Variants in PUF60 observed in about 807,000 individuals in gnomAD.
PUF60 encodes poly(U)-binding-splicing factor PUF60.
In PUF60, 10 loss-of-function variants were observed where a neutral mutation model predicts 61.8. That is an observed-to-expected ratio of 0.16 (90% CI 0.10 to 0.27). The LOEUF is 0.27. Ranked by LOEUF, PUF60 falls within the 10% of genes least tolerant of loss-of-function variation. The pLI, the probability that PUF60 is intolerant of heterozygous loss-of-function variation, is 1.00. For missense variants in PUF60, 371 were observed against 754.0 expected, an observed-to-expected ratio of 0.49 and a Z score of 5.95; for synonymous variants, 353 against 300.9, an observed-to-expected ratio of 1.17 and a Z score of -1.79.
chr8:143,825,756 T>C (rs1353372784), intron 1 of PUF60, among the ~76,000 whole-genome samples: 2 of 152,342 alleles, frequency 1.3e-5, no homozygotes, highest in East Asian at 3.9e-4. Flanking sequence ...CGTGGACCAC[T>C]GTGCCCAGCC....
At chr8:143,822,508 C>G (rs1201564573) in intron 2 of PUF60, 1 of 456,654 alleles carries the variant, frequency 2.2e-6, no homozygotes, top group Admixed American at 2.3e-5. Context: ...ACAGGCCTCT[C>G]TCGGGCCACA....
At chr8:143,820,830 CCGCCTGCCTT>C (rs1816921636) in intron 4 of PUF60, 114 bp from the exon 5 acceptor site, 9 of 1,031,350 alleles carry the variant, frequency 8.7e-6, no homozygotes, top group Admixed American at 6.9e-5. Context: ...GCCAGGGAGG[CCGCCTGCCTT>C]CCCACACTGC....
chr8:143,827,303 C>T (rs937511993), intron 1 of PUF60: 2 of 453,152 alleles, frequency 4.4e-6, no homozygotes, highest in Non-Finnish European at 8.9e-6. Context: ...AGGGTGATGA[C>T]CCCAAATGAG....
chr8:143,823,890 T>C (rs576931866), intron 2 of PUF60, among the ~76,000 whole-genome samples: 3 of 152,398 alleles, frequency 2.0e-5, no homozygotes, highest in Non-Finnish European at 4.4e-5. Flanking sequence ...TTCACTGTTT[T>C]ATTTAAATGA....
At chr8:143,825,558 T>C (rs1817547586) in intron 1 of PUF60, among the ~76,000 whole-genome samples, 1 of 152,140 alleles carries the variant, frequency 6.6e-6, no homozygotes, top group Non-Finnish European at 1.5e-5. Flanking sequence ...GGTCTGGCTC[T>C]GTTGCCCAGG....
chr8:143,829,217 C>A, intron 1 of PUF60, 63 bp downstream of exon 1: 1 of 1,235,996 alleles, frequency 8.1e-7, no homozygotes, highest in Non-Finnish European at 1.0e-6. Context: ...CGCGCCCAGG[C>A]TGGGTCGACG....
intron 1 of PUF60, 199 bp from the exon 2 acceptor site, chr8:143,824,598 G>C (rs1449670560): frequency 5.0e-6 from 3 of 599,266 alleles, no homozygotes; most frequent in African/African-American, 1.9e-5. Flanking sequence ...GTCAGAAGCA[G>C]AGCGGAGCAT....
intron 5 of PUF60, 84 bp downstream of exon 5, chr8:143,820,582 G>C (rs1214890334): frequency 1.4e-6 from 2 of 1,437,514 alleles, no homozygotes; most frequent in Non-Finnish European, 2.0e-6. Flanking sequence ...AGGGGAGCAA[G>C]GTCCCCAGCA....
chr8:143,818,148 A>T lies in PUF60; in HGVS notation c.603+45T>A, dbSNP rs374482306. ...CCACAAAAGGCTTCCGTGGAGGGGC[A>T]GCCCTGCACGCCTGCGGGATCGAGG... On this transcript the variant is annotated intron_variant, in intron 7 of 11. Coordinates refer to ENST00000526683, the MANE Select transcript of PUF60 (RefSeq NM_078480.3). This position sits in a 1 kb window ranked among gnomAD's most constrained non-coding sequence, Gnocchi z 7.9. 1 of 1,599,776 alleles carries T rather than the reference A, an allele frequency of 6.3e-7. No individual in the cohort carries two copies. The highest frequency in any genetic ancestry group is 8.5e-7 in the Non-Finnish European group (1 of 1,173,050).
At position 143,818,861 on chromosome 8, in the gene PUF60, T is replaced by A. The variant is rs1456400979; in HGVS notation, c.349-327A>T. 2.8e-6 allele frequency: 1 copy of A among 355,360 alleles called. No individual in the cohort carries two copies. The highest frequency in any genetic ancestry group is 2.1e-5 in the African/African-American group (1 of 48,092). The allele number at this position is 355,360 out of a possible 1,614,324, so 22.0% of individuals were successfully genotyped here. Reference sequence around the variant, plus strand: ...CAGACCACCCCTCCAGTCTGGGGGCTGGGTATCCCAGGCTGGGCTGGGAGA... The same window carrying A: ...CAGACCACCCCTCCAGTCTGGGGGCAGGGTATCCCAGGCTGGGCTGGGAGA... On this transcript the variant is annotated intron_variant, in intron 5 of 11. Coordinates refer to ENST00000526683, the MANE Select transcript of PUF60 (RefSeq NM_078480.3). This position sits in a 1 kb window ranked among gnomAD's most constrained non-coding sequence, Gnocchi z 7.9.
At position 143,817,188 on chromosome 8, in the gene PUF60, C is replaced by A. The variant is rs1816434515; in HGVS notation, c.1145-43G>T. ...AGGTCCATCAGTCACTCCCTACCAC[C>A]CCCCTTCCCAGAAAGGCACAGAGCT... On this transcript the variant is annotated intron_variant, in intron 10 of 11. Coordinates refer to ENST00000526683, the MANE Select transcript of PUF60 (RefSeq NM_078480.3). The surrounding 1 kb of genome is among the most constrained non-coding windows in gnomAD (Gnocchi z 7.4). 2 of 1,536,226 alleles carry A rather than the reference C, an allele frequency of 1.3e-6. No individual in the cohort carries two copies. Among genetic ancestry groups the A allele is most frequent in the East Asian group, 2.3e-5 (1 of 42,856 alleles).
At position 143,816,510 on chromosome 8, in the gene PUF60, G is replaced by A; in HGVS notation, c.*10C>T. 1.3e-6 allele frequency: 2 copies of A among 1,598,950 alleles called. No homozygotes were observed. The highest frequency in any genetic ancestry group is 8.5e-7 in the Non-Finnish European group (1 of 1,171,886). ...AGGAACAAGTGCAAGTCCGGGGAGA[G>A]GGACCACTGTCACGCAGAGAGGTCA... On this transcript the variant is annotated 3_prime_UTR_variant, in exon 12 of 12. Transcript: ENST00000526683.
In PUF60 at chr8:143,824,536, C is replaced by A. The variant is rs1005051221; in HGVS notation, c.25-137G>T. 3 of 844,270 alleles carry A rather than the reference C, an allele frequency of 3.6e-6. No homozygotes were observed. The African/African-American group carries it at 5.1e-5, about 14-fold the overall frequency. The allele number at this position is 844,270 out of a possible 1,614,324, so 52.3% of individuals were successfully genotyped here. A position where few individuals can be genotyped will look rare whatever the true frequency, so the allele number is the denominator to read the frequency against. On this transcript the variant is annotated intron_variant, in intron 1 of 11. Coordinates refer to ENST00000526683, the MANE Select transcript of PUF60 (RefSeq NM_078480.3). ...GCAGGGAGGCATTCCCGACATGACC[C>A]CCCAGCCCAAACTGCCCTCTCTTCA...
intron 2 of PUF60, 97 bp from the exon 3 acceptor site, chr8:143,822,010 G>A (rs1227344917): frequency 2.2e-6 from 2 of 901,848 alleles, no homozygotes; most frequent in Admixed American, 2.8e-5. Flanking sequence ...TCCCCTGCCT[G>A]GCCTGTACTC....
chr8:143,828,687 A>G (rs1817933715), intron 1 of PUF60, among the ~76,000 whole-genome samples: 1 of 152,182 alleles, frequency 6.6e-6, no homozygotes, highest in African/African-American at 2.4e-5. Context: ...GCTGGGGACA[A>G]TGCGATTTCT....
intron 5 of PUF60, chr8:143,820,261 A>G: frequency 5.3e-6 from 1 of 187,442 alleles, no homozygotes; most frequent in Non-Finnish European, 1.1e-5. Context: ...TGGGGCCATG[A>G]GTTAGGACCC....
chr8:143,827,032 G>A (rs150186048), intron 1 of PUF60: 5,063 of 280,568 alleles, frequency 0.018, 67 homozygotes, highest in South Asian at 0.022. Context: ...TGCTTACTGC[G>A]TGCCCAGGCT....
rs745447585 is a variant in PUF60, at chr8:143,818,061, G to C, written c.618C>G (p.Ser206Arg). Reference protein sequence around the residue: ...GGRNIKVGRPSNIGQAQPIID... With the variant: ...GGRNIKVGRPRNIGQAQPIID... Reference sequence around the variant, plus strand: ...TGATGGGCTGGGCCTGCCCTATGTTGCTGGGTCTGCCCACCTGGGGAAGAG... The same window carrying C: ...TGATGGGCTGGGCCTGCCCTATGTTCCTGGGTCTGCCCACCTGGGGAAGAG... The change falls in exon 8 of 12, where the codon AGC becomes AGG. Residue 206 changes from serine to arginine, a missense_variant. Ser to Arg is a moderately radical substitution (Grantham distance 110, BLOSUM62 -1). Around this residue, in one of 13 missense-constraint regions of PUF60, gnomAD observed 31 missense variants for 80.6 expected, o/e 0.38. Coordinates refer to ENST00000526683, the MANE Select transcript of PUF60 (RefSeq NM_078480.3). This position sits in a 1 kb window ranked among gnomAD's most constrained non-coding sequence, Gnocchi z 7.9. 1.1e-5 allele frequency: 18 copies of C among 1,612,208 alleles called. No individual in the cohort carries two copies. Among genetic ancestry groups the C allele is most frequent in the Non-Finnish European group, 1.4e-5 (16 of 1,179,722 alleles).
chr8:143,828,410 T>C lies in PUF60; in HGVS notation c.24+870A>G, dbSNP rs146243613. On this transcript the variant is annotated intron_variant, in intron 1 of 11. Transcript: ENST00000526683. ...AAAGGTCCAAAAGGGGATTAGGTCCTATAAGCTAAGTGGTGAGAAGGAAAG... is the reference window on the plus strand; with the variant it reads ...AAAGGTCCAAAAGGGGATTAGGTCCCATAAGCTAAGTGGTGAGAAGGAAAG... Among the ~76,000 whole-genome samples, 3 of 152,378 alleles carry C rather than the reference T, an allele frequency of 2.0e-5. No individual in the cohort carries two copies. The East Asian group carries it at 5.8e-4, about 29-fold the overall frequency.
Sources: allele counts gnomAD v4.1 joint callset (sites outside exome capture counted in the v4.1 genomes callset), GRCh38; gene constraint gnomAD v4.1.1; regional missense constraint gnomAD v4.1.1; non-coding constraint Gnocchi (gnomAD v3.1); transcripts MANE v1.5; gene names NCBI Gene and HGNC (gene_info 2026-07-23, HGNC 2026-07-21).